Variants in CORIN observed in about 807,000 individuals in gnomAD.
CORIN encodes corin, serine peptidase.
Under a neutral mutation model 125.3 loss-of-function variants are expected in CORIN, and 117 were observed. That is an observed-to-expected ratio of 0.93 (90% CI 0.80 to 1.09). CORIN has a LOEUF of 1.09. Among genes scored for constraint, CORIN ranks in the 50% least tolerant of loss-of-function variants. CORIN has a pLI of 0.00. For synonymous variants in CORIN, 450 were observed against 466.4 expected (o/e 0.96, Z 0.45); for missense variants, 1,253 against 1,306.7 (o/e 0.96, Z 0.63).
intron 1 of CORIN, among the ~76,000 whole-genome samples, chr4:47,823,576 TTCTATA>T (rs1306932575): frequency 6.6e-6 from 1 of 152,224 alleles, no homozygotes; most frequent in Non-Finnish European, 1.5e-5. Context: ...CTGTATTTAT[TTCTATA>T]TCTATCTTTA....
At chr4:47,828,508 T>A (rs1732833876) in intron 1 of CORIN, among the ~76,000 whole-genome samples, 1 of 152,154 alleles carries the variant, frequency 6.6e-6, no homozygotes, top group Admixed American at 6.5e-5. Flanking sequence ...ACATCTACAT[T>A]CTGGGAGCAC....
intron 1 of CORIN, among the ~76,000 whole-genome samples, chr4:47,814,906 A>G (rs1732202016): frequency 6.6e-6 from 1 of 152,182 alleles, no homozygotes; most frequent in South Asian, 2.1e-4. Context: ...CCTCTCCCAA[A>G]TTTCAGAATC....
rs553954153 is a variant in CORIN, at chr4:47,782,614, G to A, written c.409+4111C>T. Among the ~76,000 whole-genome samples the A allele has an allele frequency of 5.3e-5, 8 of 152,236 alleles. No individual in the cohort carries two copies. In the South Asian group the frequency reaches 1.7e-3, roughly 32 times the overall value. On this transcript the variant is annotated intron_variant, in intron 3 of 21. Coordinates refer to ENST00000273857, the MANE Select transcript of CORIN (RefSeq NM_006587.4). The stretch of plus-strand genomic sequence containing the variant: ...CGTGAATATTCACAGAAGCATTATT[G>A]ATAATAGTTTTAAAAAATGTATATG...
chr4:47,758,366 T>C (rs979199635), intron 4 of CORIN, among the ~76,000 whole-genome samples: 2 of 152,140 alleles, frequency 1.3e-5, no homozygotes, highest in Admixed American at 6.5e-5. Flanking sequence ...TGGATGTTCA[T>C]GGTTGGAAGA....
intron 2 of CORIN, among the ~76,000 whole-genome samples, chr4:47,787,189 G>A (rs1236343661): frequency 6.6e-6 from 1 of 152,048 alleles, no homozygotes; most frequent in Admixed American, 6.5e-5. Flanking sequence ...TTAGAAACTG[G>A]GTCTCCTATC....
intron 1 of CORIN, among the ~76,000 whole-genome samples, chr4:47,818,715 A>T (rs1274533926): frequency 6.6e-6 from 1 of 152,080 alleles, no homozygotes; most frequent in Non-Finnish European, 1.5e-5. Context: ...TCTAACAAAA[A>T]TGCAAAAATT....
At chr4:47,709,291 A>G in intron 5 of CORIN, among the ~76,000 whole-genome samples, 1 of 151,678 alleles carries the variant, frequency 6.6e-6, no homozygotes, top group South Asian at 2.1e-4. Flanking sequence ...TTATTTATTT[A>G]TTTATTTATT....
rs138073657 is a variant in CORIN, at chr4:47,826,798, C to T, written c.63+11089G>A. Among the ~76,000 whole-genome samples the T allele has an allele frequency of 3.2e-3, 486 of 152,248 alleles. 3 individuals are homozygous for T. Among genetic ancestry groups the T allele is most frequent in the Non-Finnish European group, 5.2e-3 (351 of 68,032 alleles). On this transcript the variant is annotated intron_variant, in intron 1 of 21. Coordinates refer to ENST00000273857, the MANE Select transcript of CORIN (RefSeq NM_006587.4). Reference sequence around the variant, plus strand: ...TAGGGGGTCATTGTTCGGAACATCTCGCTCCATAAAGCCCTGTACCCTCTA... The same window carrying T: ...TAGGGGGTCATTGTTCGGAACATCTTGCTCCATAAAGCCCTGTACCCTCTA...
At chr4:47,815,351 T>A (rs1732221835) in intron 1 of CORIN, among the ~76,000 whole-genome samples, 1 of 152,186 alleles carries the variant, frequency 6.6e-6, no homozygotes, top group Non-Finnish European at 1.5e-5. Context: ...CTCAATTTAG[T>A]TTCCCTGGAG....
intron 1 of CORIN, 123 bp from the exon 2 acceptor site, chr4:47,807,170 G>A (rs1731834547): frequency 1.0e-5 from 7 of 678,164 alleles, no homozygotes; most frequent in Non-Finnish European, 2.4e-6. Flanking sequence ...TGTGGTTTAG[G>A]GTATGAAATG....
chr4:47,816,254 A>T (rs1052371597), intron 1 of CORIN, among the ~76,000 whole-genome samples: 2 of 152,230 alleles, frequency 1.3e-5, no homozygotes, highest in Non-Finnish European at 2.9e-5. Context: ...ATGAAGCAGC[A>T]ATTTCTTTCT....
At chr4:47,818,292 T>C (rs143602767) in intron 1 of CORIN, among the ~76,000 whole-genome samples, 1 of 152,290 alleles carries the variant, frequency 6.6e-6, no homozygotes, top group East Asian at 1.9e-4. Flanking sequence ...AGTGAGACTC[T>C]GAAGGTCTGT....
At chr4:47,640,301 A>G (rs949572121) in intron 16 of CORIN, among the ~76,000 whole-genome samples, 4 of 152,194 alleles carry the variant, frequency 2.6e-5, no homozygotes, top group African/African-American at 9.7e-5. Flanking sequence ...ATGGCATATT[A>G]TTCAGTCACA....
At chr4:47,623,096 C>CTCTCTCTCTCTCTCTATATATATATATA (rs771867590) in intron 19 of CORIN, among the ~76,000 whole-genome samples, 1 of 102,306 alleles carries the variant, frequency 9.8e-6, no homozygotes, top group Non-Finnish European at 1.8e-5. Flanking sequence ...CTCTCTCTCT[C>CTCTCTCTCTCTCTCTATATATATATATA]TATATATATA....
chr4:47,626,011 G>A (rs578151680), intron 17 of CORIN, among the ~76,000 whole-genome samples: 1 of 152,210 alleles, frequency 6.6e-6, no homozygotes, highest in East Asian at 1.9e-4. Context: ...TCATTTTTGT[G>A]TCTATTCCTC....
rs756176243 is a variant in CORIN at position 47,603,387 on chromosome 4, A to G, written c.2812+10T>C. The G allele has an allele frequency of 1.7e-5, 28 of 1,613,026 alleles. No individual in the cohort carries two copies. Among genetic ancestry groups the G allele is most frequent in the Non-Finnish European group, 2.4e-5 (28 of 1,179,808 alleles). On this transcript the variant is annotated intron_variant, in intron 20 of 21. Transcript: ENST00000273857. ...TAGCAGCATGAGAATGGACTAATAC[A>G]CTGGCTTACTTTTATTGCCCATGTG...
In CORIN at chr4:47,723,753, C is replaced by T. The variant is rs570023662; in HGVS notation, c.799+20649G>A. Among the ~76,000 whole-genome samples the T allele has an allele frequency of 2.3e-3, 343 of 152,088 alleles. 2 individuals are homozygous for T. The highest frequency in any genetic ancestry group is 7.6e-3 in the African/African-American group (316 of 41,478). On this transcript the variant is annotated intron_variant, in intron 5 of 21. Transcript: ENST00000273857. ...GTGGCTCATGCCTGTAATCCCAGCA[C>T]TTTGGGAGGCCGAGGTCAGGATCAC...
At chr4:47,718,589 G>A (rs1364014794) in intron 5 of CORIN, among the ~76,000 whole-genome samples, 3 of 152,138 alleles carry the variant, frequency 2.0e-5, no homozygotes, top group Non-Finnish European at 2.9e-5. Context: ...GTAACCTAAC[G>A]TGAGCTTTAA....
In CORIN at chr4:47,788,446, G is replaced by A. The variant is rs73150679; in HGVS notation, c.209-1521C>T. Reference sequence around the variant, plus strand: ...AAGCTAAATCATGATCATGTAATGCGGGTAACATGCTCTCCAAACCATCTG... The same window carrying A: ...AAGCTAAATCATGATCATGTAATGCAGGTAACATGCTCTCCAAACCATCTG... On this transcript the variant is annotated intron_variant, in intron 2 of 21. Transcript: ENST00000273857. Among the ~76,000 whole-genome samples the A allele has an allele frequency of 2.5e-3, 381 of 152,182 alleles. 2 individuals carry two copies. Among genetic ancestry groups the A allele is most frequent in the African/African-American group, 8.3e-3 (343 of 41,518 alleles).
Sources: allele counts gnomAD v4.1 joint callset (sites outside exome capture counted in the v4.1 genomes callset), GRCh38; gene constraint gnomAD v4.1.1; transcripts MANE v1.5; gene names NCBI Gene and HGNC (gene_info 2026-07-23, HGNC 2026-07-21).